Variants in PTPRK observed in about 807,000 individuals in gnomAD.
PTPRK encodes protein tyrosine phosphatase receptor type K.
Under a neutral mutation model 178.0 loss-of-function variants are expected in PTPRK, and 75 were observed. The observed-to-expected ratio is 0.42, with a 90% CI of 0.35 to 0.51. The LOEUF (loss-of-function observed/expected upper bound fraction) is 0.51, where lower values mean the gene tolerates loss of function less well. PTPRK is among the 20% of genes least tolerant of loss of function. The probability of loss-of-function intolerance (pLI) is 0.02; values close to 1 mark genes in which losing one functional copy is unlikely to be tolerated. For synonymous variants in PTPRK, 637 were observed against 620.6 expected (o/e 1.03, Z -0.39); for missense variants, 1,441 against 1,797.8 (o/e 0.80, Z 3.59).
chr6:127,995,996 A>C (rs1332433396), intron 17 of PTPRK, among the ~76,000 whole-genome samples: 1 of 152,104 alleles, frequency 6.6e-6, no homozygotes, highest in East Asian at 1.9e-4. Flanking sequence ...AGCTATTCAT[A>C]AGATACTTTA....
At chr6:128,041,228 A>G (rs991400833) in intron 13 of PTPRK, among the ~76,000 whole-genome samples, 1 of 152,146 alleles carries the variant, frequency 6.6e-6, no homozygotes, top group African/African-American at 2.4e-5. Flanking sequence ...AGAATATCAT[A>G]TTCTATCTTT....
intron 7 of PTPRK, among the ~76,000 whole-genome samples, chr6:128,158,095 T>C (rs559080848): frequency 6.6e-6 from 1 of 151,954 alleles, no homozygotes; most frequent in African/African-American, 2.4e-5. Context: ...CTTTAATCCA[T>C]CTTGAATTAA....
intron 1 of PTPRK, among the ~76,000 whole-genome samples, chr6:128,483,650 C>T (rs541900135): frequency 4.9e-4 from 74 of 152,256 alleles, no homozygotes; most frequent in African/African-American, 1.6e-3. Context: ...AGGTCTCAGA[C>T]ATTGCACAAT....
chr6:128,106,174 T>C (rs1257284196), intron 7 of PTPRK, among the ~76,000 whole-genome samples: 3 of 152,156 alleles, frequency 2.0e-5, no homozygotes, highest in East Asian at 1.9e-4. Flanking sequence ...AGAAAGTACA[T>C]AGAAAATTAC....
At chr6:128,173,531 T>C (rs1049340164) in intron 7 of PTPRK, among the ~76,000 whole-genome samples, 1 of 152,018 alleles carries the variant, frequency 6.6e-6, no homozygotes, top group African/African-American at 2.4e-5. Flanking sequence ...CTGCCCTCTC[T>C]ATGAACCATA....
intron 7 of PTPRK, among the ~76,000 whole-genome samples, chr6:128,120,737 C>T (rs1792320566): frequency 2.6e-5 from 4 of 151,824 alleles, no homozygotes; most frequent in African/African-American, 7.2e-5. Context: ...AACTTAAACT[C>T]CAGTTTAAAT....
chr6:128,229,695 TG>T (rs1417717666), intron 5 of PTPRK, among the ~76,000 whole-genome samples: 1 of 152,088 alleles, frequency 6.6e-6, no homozygotes, highest in African/African-American at 2.4e-5. Context: ...TAAGCAAATA[TG>T]GGACGATTTA....
At chr6:128,514,721 C>G (rs1010863666) in intron 1 of PTPRK, among the ~76,000 whole-genome samples, 1 of 152,018 alleles carries the variant, frequency 6.6e-6, no homozygotes, top group Non-Finnish European at 1.5e-5. Flanking sequence ...AAGGAGAATG[C>G]CAAAAATTTC....
At chr6:128,335,898 C>G (rs555519831) in intron 2 of PTPRK, among the ~76,000 whole-genome samples, 1 of 152,236 alleles carries the variant, frequency 6.6e-6, no homozygotes, top group African/African-American at 2.4e-5. Flanking sequence ...AATATTAAAT[C>G]ATATCCCAGG....
intron 3 of PTPRK, among the ~76,000 whole-genome samples, chr6:128,284,948 C>G (rs1822225911): frequency 6.6e-6 from 1 of 152,062 alleles, no homozygotes; most frequent in South Asian, 2.1e-4. Flanking sequence ...CATTAAATAC[C>G]TTAAGTCTCA....
intron 6 of PTPRK, among the ~76,000 whole-genome samples, chr6:128,210,156 T>C (rs1430288996): frequency 6.6e-6 from 1 of 151,888 alleles, no homozygotes; most frequent in Non-Finnish European, 1.5e-5. Context: ...TAAAGAAAAG[T>C]GTGGGGCATT....
chr6:128,247,166 A>G (rs1482220840), intron 3 of PTPRK, among the ~76,000 whole-genome samples: 1 of 152,202 alleles, frequency 6.6e-6, no homozygotes, highest in Non-Finnish European at 1.5e-5. Context: ...ACTGAATGGT[A>G]TATGTGAAAT....
chr6:128,197,184 C>T (rs73772009), intron 6 of PTPRK, among the ~76,000 whole-genome samples: 26 of 138,602 alleles, frequency 1.9e-4, no homozygotes, highest in Middle Eastern at 3.8e-3. Context: ...TTGTTTTTTT[C>T]TTTTTTTTTT....
At chr6:128,466,565 G>C (rs113926004) in intron 1 of PTPRK, among the ~76,000 whole-genome samples, 12 of 152,222 alleles carry the variant, frequency 7.9e-5, no homozygotes, top group African/African-American at 2.9e-4. Flanking sequence ...AGACAATTAG[G>C]TTCCTAATAA....
chr6:128,029,308 C>T (rs539174041), intron 13 of PTPRK, among the ~76,000 whole-genome samples: 13 of 152,144 alleles, frequency 8.5e-5, no homozygotes, highest in East Asian at 3.9e-4. Context: ...GCCAGCACTA[C>T]GCTTCCTCTA....
At chr6:128,325,215 T>C (rs555797579) in intron 2 of PTPRK, among the ~76,000 whole-genome samples, 211 of 152,274 alleles carry the variant, frequency 1.4e-3, no homozygotes, top group Non-Finnish European at 2.4e-3. Flanking sequence ...GCTTTTTGTT[T>C]GTTTTAAGTG....
At chr6:128,077,319 C>A (rs1784014367) in intron 11 of PTPRK, among the ~76,000 whole-genome samples, 1 of 151,974 alleles carries the variant, frequency 6.6e-6, no homozygotes, top group Admixed American at 6.6e-5. Context: ...TATATACGTA[C>A]TTTGAATTTT....
intron 1 of PTPRK, among the ~76,000 whole-genome samples, chr6:128,518,534 TC>T (rs761939083): frequency 1.6e-4 from 24 of 152,212 alleles, no homozygotes; most frequent in Non-Finnish European, 3.1e-4. Flanking sequence ...GTTCAAACTT[TC>T]AATTAACAAA....
intron 7 of PTPRK, among the ~76,000 whole-genome samples, chr6:128,180,835 T>A (rs1801801344): frequency 6.6e-6 from 1 of 152,072 alleles, no homozygotes; most frequent in Non-Finnish European, 1.5e-5. Context: ...CAGACTTTAC[T>A]TGTTGTGCTT....
Sources: gnomAD v4.1 joint callset for allele counts (sites outside exome capture counted in the v4.1 genomes callset) on GRCh38, gnomAD v4.1.1 for gene constraint, MANE v1.5 for transcripts, NCBI Gene and HGNC (gene_info 2026-07-23, HGNC 2026-07-21) for gene names.